Variants in ARB2A observed in about 807,000 individuals in gnomAD.
ARB2A encodes ARB2 cotranscriptional regulator A, also known as cotranscriptional regulator ARB2A.
chr5:94,070,553 C>T, the ARB2A span, among the ~76,000 whole-genome samples: 4 of 152,102 alleles, frequency 2.6e-5, no homozygotes, highest in South Asian at 6.2e-4. Flanking sequence ...AATATCCTAA[C>T]TTGAACATTA....
chr5:93,735,171 T>A, the ARB2A span: 1 of 152,246 alleles, frequency 6.6e-6, no homozygotes, highest in African/African-American at 2.4e-5. Context: ...TATTCTTCTG[T>A]TTAAGGGATC....
the ARB2A span, chr5:93,738,892 A>G: frequency 6.6e-6 from 1 of 152,236 alleles, no homozygotes; most frequent in Non-Finnish European, 1.5e-5. Flanking sequence ...TGTGAATGTA[A>G]TTAATGTCAC....
the ARB2A span, among the ~76,000 whole-genome samples, chr5:93,836,813 T>G: frequency 6.6e-6 from 1 of 152,182 alleles, no homozygotes; most frequent in East Asian, 1.9e-4. Flanking sequence ...ACCATATAAG[T>G]TACCAGTATT....
the ARB2A span, among the ~76,000 whole-genome samples, chr5:93,710,496 A>G: frequency 1.3e-5 from 2 of 152,198 alleles, no homozygotes; most frequent in Admixed American, 6.5e-5. Flanking sequence ...ACTAAGTGAT[A>G]TTTGCTAACC....
the ARB2A span, among the ~76,000 whole-genome samples, chr5:93,752,180 A>G: frequency 6.6e-6 from 1 of 152,186 alleles, no homozygotes; most frequent in Non-Finnish European, 1.5e-5. Context: ...AAGTAAAGAC[A>G]GCCATAGGAA....
At chr5:93,832,901 A>G in the ARB2A span, among the ~76,000 whole-genome samples, 1 of 152,240 alleles carries the variant, frequency 6.6e-6, no homozygotes, top group Admixed American at 6.5e-5. Flanking sequence ...GAAGAGCCAG[A>G]AAGTCAACTG....
chr5:93,914,032 T>G, the ARB2A span, among the ~76,000 whole-genome samples: 4 of 151,966 alleles, frequency 2.6e-5, no homozygotes, highest in Non-Finnish European at 5.9e-5. Context: ...CCATGGAAGA[T>G]TCCTATTACA....
At chr5:93,765,896 C>T in the ARB2A span, among the ~76,000 whole-genome samples, 2 of 152,218 alleles carry the variant, frequency 1.3e-5, no homozygotes, top group Admixed American at 1.3e-4. Context: ...TATCTACAAC[C>T]ATCTGATCTT....
the ARB2A span, among the ~76,000 whole-genome samples, chr5:93,850,748 G>C: frequency 6.6e-6 from 1 of 152,074 alleles, no homozygotes; most frequent in South Asian, 2.1e-4. Flanking sequence ...GAATGGGCAA[G>C]ATTAATACCA....
the ARB2A span, among the ~76,000 whole-genome samples, chr5:93,871,057 A>G: frequency 6.6e-6 from 1 of 152,262 alleles, no homozygotes; most frequent in African/African-American, 2.4e-5. Flanking sequence ...TGAACAAAGT[A>G]AGCCTGACAA....
At chr5:94,018,680 G>A in the ARB2A span, among the ~76,000 whole-genome samples, 1 of 151,980 alleles carries the variant, frequency 6.6e-6, no homozygotes, top group Non-Finnish European at 1.5e-5. Context: ...CACATCCCTT[G>A]TAAGTTGTAT....
chr5:93,960,103 GC>G, the ARB2A span, among the ~76,000 whole-genome samples: 1,938 of 88,100 alleles, frequency 0.022, 38 homozygotes, highest in Non-Finnish European at 0.026. Flanking sequence ...CCCAAAAAAA[GC>G]CCTGGATTCT....
the ARB2A span, among the ~76,000 whole-genome samples, chr5:93,896,573 A>G: frequency 6.6e-6 from 1 of 152,084 alleles, no homozygotes; most frequent in East Asian, 1.9e-4. Context: ...TTCTGGTACT[A>G]AGCATTGTGG....
At chr5:93,851,624 G>C in the ARB2A span, among the ~76,000 whole-genome samples, 1 of 151,978 alleles carries the variant, frequency 6.6e-6, no homozygotes, top group Non-Finnish European at 1.5e-5. Flanking sequence ...CCACAACAGT[G>C]CCCAGAGTGT....
At chr5:93,924,138 G>C in the ARB2A span, among the ~76,000 whole-genome samples, 45 of 152,144 alleles carry the variant, frequency 3.0e-4, no homozygotes, top group African/African-American at 1.1e-3. Context: ...AGAGAACCTC[G>C]ATTATTCTAC....
chr5:93,860,084 G>A, the ARB2A span, among the ~76,000 whole-genome samples: 1 of 152,138 alleles, frequency 6.6e-6, no homozygotes, highest in Admixed American at 6.5e-5. Flanking sequence ...CACGAGGTCA[G>A]GAGTTTGAGC....
At chr5:93,973,828 A>G in the ARB2A span, among the ~76,000 whole-genome samples, 1 of 152,300 alleles carries the variant, frequency 6.6e-6, no homozygotes, top group East Asian at 1.9e-4. Context: ...TTCACAAACA[A>G]AAGAGAAATA....
the ARB2A span, among the ~76,000 whole-genome samples, chr5:93,819,586 A>G: frequency 6.6e-6 from 1 of 152,182 alleles, no homozygotes; most frequent in African/African-American, 2.4e-5. Flanking sequence ...AGCTGTTCTC[A>G]TTGATCACAT....
the ARB2A span, among the ~76,000 whole-genome samples, chr5:93,763,589 A>T: frequency 2.2e-4 from 34 of 152,162 alleles, no homozygotes; most frequent in African/African-American, 7.0e-4. Context: ...CTCCCACACA[A>T]TAATAATGGG....
Sources: allele counts gnomAD v4.1 joint callset (sites outside exome capture counted in the v4.1 genomes callset), GRCh38; gene constraint gnomAD v4.1.1; transcripts MANE v1.5; gene names NCBI Gene and HGNC (gene_info 2026-07-23, HGNC 2026-07-21).